The following MAST2 variants were observed in gnomAD, a reference collection of about 807,000 sequenced individuals.
MAST2 encodes the protein microtubule associated serine/threonine kinase 2.
Under a neutral mutation model 147.4 loss-of-function variants are expected in MAST2, and 70 were observed. That is an observed-to-expected ratio of 0.47 (90% confidence interval 0.39 to 0.58). The LOEUF is 0.58. MAST2 is among the 20% of genes least tolerant of loss of function. The pLI is 0.00. For synonymous variants in MAST2, 869 were observed against 896.8 expected, an observed-to-expected ratio of 0.97 and a Z score of 0.55; for missense variants, 2,080 against 2,302.3, an observed-to-expected ratio of 0.90 and a Z score of 1.98.
chr1:45,996,319 T>C (rs1415617283), intron 5 of MAST2, among the ~76,000 whole-genome samples: 3 of 152,100 alleles, frequency 2.0e-5, no homozygotes, highest in Admixed American at 1.3e-4. Context: ...AAACTGTGGG[T>C]ATTTGTTAAT....
At position 45,829,521 on chromosome 1, in the gene MAST2, C is replaced by G. The variant is rs1038571595; in HGVS notation, c.408C>G (p.Asn136Lys). The G allele has an allele frequency of 6.2e-7, 1 of 1,614,054 alleles. No homozygotes were observed. The highest frequency in any genetic ancestry group is 8.5e-7 in the Non-Finnish European group (1 of 1,180,030). Residue 136 changes from asparagine (N) to lysine (K), a missense_variant, in exon 3 of 29, where the codon AAC (asparagine) becomes AAG (lysine). Coordinates refer to ENST00000361297, the MANE Select transcript of MAST2 (RefSeq NM_015112.3). ...GGCAGTCGTCAGGAGAAGCATCAAACCTGGTTCGAATGAGAAACCAGTCCC... is the reference window on the plus strand; with the variant it reads ...GGCAGTCGTCAGGAGAAGCATCAAAGCTGGTTCGAATGAGAAACCAGTCCC... ...VTWQSSGEAS[N>K]LVRMRNQSLG...
In MAST2 at chr1:45,821,708, G is replaced by T. The variant is rs181343423; in HGVS notation, c.178-2725G>T. The stretch of plus-strand genomic sequence containing the variant: ...TGATTTTTGTATTTTTATTAGAGAC[G>T]GGGTTTCACCATGTTGGCCAGGCTG... On this transcript the variant is annotated intron_variant, in intron 1 of 28. Transcript: ENST00000361297. Among the ~76,000 whole-genome samples, 401 of 150,676 alleles carry T rather than the reference G, an allele frequency of 2.7e-3. 1 individual carries two copies. Among genetic ancestry groups the T allele is most frequent in the Middle Eastern group, 6.8e-3 (2 of 292 alleles).
intron 10 of MAST2, among the ~76,000 whole-genome samples, chr1:46,013,331 C>A (rs565910727): frequency 1.3e-5 from 2 of 152,194 alleles, no homozygotes; most frequent in Admixed American, 1.3e-4. Flanking sequence ...AAACAGTCAA[C>A]AAACATTGAC....
At chr1:45,888,794 G>A (rs1057512770) in intron 4 of MAST2, among the ~76,000 whole-genome samples, 5 of 143,396 alleles carry the variant, frequency 3.5e-5, no homozygotes, top group African/African-American at 5.2e-5. Context: ...TGATTCTTCC[G>A]CCTCAGCCTC....
intron 3 of MAST2, among the ~76,000 whole-genome samples, chr1:45,861,464 T>G (rs1194186610): frequency 6.6e-6 from 1 of 152,148 alleles, no homozygotes; most frequent in Non-Finnish European, 1.5e-5. Flanking sequence ...GCTCTGCTGA[T>G]TTCCTTTTTA....
chr1:45,928,324 GT>G (rs1654733221), intron 4 of MAST2, among the ~76,000 whole-genome samples: 1 of 152,158 alleles, frequency 6.6e-6, no homozygotes, highest in Admixed American at 6.6e-5. Flanking sequence ...TAAAACAATA[GT>G]TTATCAATGT....
chr1:45,984,550 C>T (rs917875253), intron 5 of MAST2, among the ~76,000 whole-genome samples: 4 of 152,018 alleles, frequency 2.6e-5, no homozygotes, highest in Admixed American at 6.6e-5. Flanking sequence ...CTCAAGTGAT[C>T]CTCCTGCCTC....
At chr1:45,941,780 T>A (rs1657330411) in intron 4 of MAST2, among the ~76,000 whole-genome samples, 1 of 152,242 alleles carries the variant, frequency 6.6e-6, no homozygotes, top group Admixed American at 6.5e-5. Flanking sequence ...GTTCCTCCTC[T>A]TAGGGAGAAA....
chr1:46,015,638 C>A (rs1645903760), intron 10 of MAST2, among the ~76,000 whole-genome samples: 1 of 152,120 alleles, frequency 6.6e-6, no homozygotes, highest in South Asian at 2.1e-4. Flanking sequence ...GAAGTTGAAT[C>A]TCTGAATAGA....
intron 12 of MAST2, 149 bp from the exon 13 acceptor site, chr1:46,022,761 G>T (rs1646240790): frequency 1.5e-6 from 1 of 646,734 alleles, no homozygotes; most frequent in Non-Finnish European, 2.8e-6. Context: ...GACTACATTG[G>T]GTATAGTGCC....
intron 4 of MAST2, among the ~76,000 whole-genome samples, chr1:45,937,547 C>T (rs1166647847): frequency 2.0e-5 from 3 of 151,918 alleles, no homozygotes; most frequent in Non-Finnish European, 2.9e-5. Context: ...GTCAGGGGTT[C>T]GAGACCAGCC....
chr1:45,831,222 C>A (rs1411615738), intron 3 of MAST2, among the ~76,000 whole-genome samples: 3 of 152,084 alleles, frequency 2.0e-5, no homozygotes, highest in Non-Finnish European at 2.9e-5. Flanking sequence ...TCACACTGTT[C>A]CCTCTATCCT....
chr1:45,987,779 T>G (rs1644701412), intron 5 of MAST2, among the ~76,000 whole-genome samples: 4 of 66,374 alleles, frequency 6.0e-5, no homozygotes, highest in African/African-American at 1.8e-4. Flanking sequence ...TTTTTTTGAT[T>G]TTTTTTTTTT....
intron 4 of MAST2, among the ~76,000 whole-genome samples, chr1:45,888,489 A>T (rs1277553378): frequency 6.6e-6 from 1 of 151,496 alleles, no homozygotes; most frequent in Non-Finnish European, 1.5e-5. Flanking sequence ...CAGCCTCCTG[A>T]GTAGCTGGGA....
At chr1:45,816,619 A>T (rs190576142) in intron 1 of MAST2, among the ~76,000 whole-genome samples, 6 of 152,340 alleles carry the variant, frequency 3.9e-5, no homozygotes, top group African/African-American at 1.4e-4. Context: ...TGCAGTTGAT[A>T]TACTAAGGAA....
chr1:45,811,734 C>T (rs955457869), intron 1 of MAST2, among the ~76,000 whole-genome samples: 3 of 150,326 alleles, frequency 2.0e-5, no homozygotes, highest in Non-Finnish European at 3.0e-5. Context: ...CCCGGGTTCC[C>T]GCCGTTCTCC....
intron 5 of MAST2, among the ~76,000 whole-genome samples, chr1:45,975,708 A>G (rs1644122551): frequency 6.6e-6 from 1 of 151,562 alleles, no homozygotes; most frequent in African/African-American, 2.4e-5. Flanking sequence ...ACCATAAAAA[A>G]GTACAGATCG....
intron 4 of MAST2, among the ~76,000 whole-genome samples, chr1:45,908,840 C>G (rs1265450634): frequency 6.6e-6 from 1 of 152,154 alleles, no homozygotes; most frequent in Admixed American, 6.5e-5. Context: ...TCCCAGGCAG[C>G]TGAGGAGGGA....
chr1:45,999,771 T>G (rs1182503998), intron 6 of MAST2, among the ~76,000 whole-genome samples: 1 of 152,232 alleles, frequency 6.6e-6, no homozygotes, highest in Non-Finnish European at 1.5e-5. Flanking sequence ...GGCCTTCTTG[T>G]CTTTCTCCAT....
Sources: allele counts gnomAD v4.1 joint callset (sites outside exome capture counted in the v4.1 genomes callset), GRCh38; gene constraint gnomAD v4.1.1; transcripts MANE v1.5; gene names NCBI Gene and HGNC (gene_info 2026-07-23, HGNC 2026-07-21).